The following TRIO variants were observed in gnomAD, a reference collection of about 807,000 sequenced individuals.
TRIO encodes triple functional domain protein.
Under a neutral mutation model 351.9 loss-of-function variants are expected in TRIO, and 58 were observed. That is an observed-to-expected ratio of 0.16 (90% CI 0.13 to 0.21). The LOEUF (loss-of-function observed/expected upper bound fraction) is 0.21. Ranked by LOEUF, TRIO falls within the 10% of genes least tolerant of loss-of-function variation. The pLI is 1.00. For missense variants in TRIO, 3,201 were observed against 4,027.8 expected, an observed-to-expected ratio of 0.79 and a Z score of 5.56; for synonymous variants, 1,758 against 1,595.7, an observed-to-expected ratio of 1.10 and a Z score of -2.42.
At chr5:14,366,315 T>C (rs1288168408) in intron 15 of TRIO, among the ~76,000 whole-genome samples, 1 of 152,172 alleles carries the variant, frequency 6.6e-6, no homozygotes, top group Non-Finnish European at 1.5e-5. Flanking sequence ...ATTTACTTCC[T>C]CTGAGTGTGT....
At chr5:14,168,907 C>G (rs952735275) in intron 1 of TRIO, among the ~76,000 whole-genome samples, 23 of 152,212 alleles carry the variant, frequency 1.5e-4, no homozygotes, top group African/African-American at 5.3e-4. Flanking sequence ...CCGCTCCTGG[C>G]GGCAGACCGT....
chr5:14,409,955 A>G (rs998949587), intron 33 of TRIO, among the ~76,000 whole-genome samples: 26 of 152,186 alleles, frequency 1.7e-4, no homozygotes, highest in East Asian at 3.9e-4. Flanking sequence ...CCACGCAGCA[A>G]CACTCACCCT....
chr5:14,240,832 T>TC (rs755218041), intron 1 of TRIO, among the ~76,000 whole-genome samples: 10 of 152,264 alleles, frequency 6.6e-5, no homozygotes, highest in East Asian at 5.8e-4. Flanking sequence ...ATTTGGGTGT[T>TC]CCCCCCCACC....
At chr5:14,498,005 C>T in intron 51 of TRIO, 84 bp from the exon 52 acceptor site, 1 of 1,610,408 alleles carries the variant, frequency 6.2e-7, no homozygotes, top group Non-Finnish European at 8.5e-7. Flanking sequence ...CAGGTTAGGT[C>T]CTATCAATCT....
intron 31 of TRIO, among the ~76,000 whole-genome samples, chr5:14,401,897 G>A (rs759459271): frequency 2.6e-5 from 4 of 152,120 alleles, no homozygotes; most frequent in Non-Finnish European, 5.9e-5. Context: ...GAACCTGCAT[G>A]TCACCCCTTG....
chr5:14,330,228 C>T (rs1006766870), intron 9 of TRIO, among the ~76,000 whole-genome samples: 4 of 152,116 alleles, frequency 2.6e-5, no homozygotes, highest in African/African-American at 4.8e-5. Flanking sequence ...AAATGCTTAG[C>T]TTTTGCAGCA....
At chr5:14,473,927 T>C in intron 39 of TRIO, 67 bp from the exon 40 acceptor site, 1 of 1,504,902 alleles carries the variant, frequency 6.6e-7, no homozygotes, top group South Asian at 1.2e-5. Flanking sequence ...TGACTATTAA[T>C]CAATAAGCCA....
intron 33 of TRIO, among the ~76,000 whole-genome samples, chr5:14,411,849 C>T (rs1293415324): frequency 6.6e-6 from 1 of 152,036 alleles, no homozygotes; most frequent in African/African-American, 2.4e-5. Flanking sequence ...TCAAGCAATC[C>T]TCCCACCTCA....
At chr5:14,267,668 A>G (rs1279245928) in intron 1 of TRIO, among the ~76,000 whole-genome samples, 1 of 152,130 alleles carries the variant, frequency 6.6e-6, no homozygotes, top group Non-Finnish European at 1.5e-5. Context: ...AGGAACTTTC[A>G]TGGTTGGGTT....
chr5:14,238,921 A>G (rs979535469), intron 1 of TRIO, among the ~76,000 whole-genome samples: 1 of 152,228 alleles, frequency 6.6e-6, no homozygotes, highest in African/African-American at 2.4e-5. Flanking sequence ...CTCATGGAAA[A>G]TAAGTATAAA....
rs533044424 is a variant in TRIO, at chr5:14,146,487, G to T, written c.157+2605G>T. On this transcript the variant is annotated intron_variant, in intron 1 of 56. Transcript: ENST00000344204. ...AATTCGTTCTTGTTGCCCGCATTCG[G>T]CTTTGTCTTTGTAGCCACAGATTGA... Among the ~76,000 whole-genome samples the T allele has an allele frequency of 7.2e-5, 11 of 152,250 alleles. No individual in the cohort carries two copies. In the South Asian group the frequency reaches 2.1e-3, roughly 29 times the overall value.
At chr5:14,183,561 C>G (rs975706319) in intron 1 of TRIO, among the ~76,000 whole-genome samples, 2 of 148,242 alleles carry the variant, frequency 1.3e-5, no homozygotes. Context: ...CCCTTCCCCC[C>G]CAAGAAAAGC....
intron 4 of TRIO, among the ~76,000 whole-genome samples, chr5:14,289,376 A>G (rs1228935324): frequency 6.6e-6 from 1 of 151,850 alleles, no homozygotes; most frequent in Non-Finnish European, 1.5e-5. Context: ...CAAGAGCAAA[A>G]CCCTGTCTCA....
intron 54 of TRIO, 140 bp downstream of exon 54, chr5:14,502,797 A>G (rs1372977716): frequency 4.7e-6 from 4 of 843,668 alleles, no homozygotes; most frequent in African/African-American, 3.3e-5. Flanking sequence ...CGTAACTCTC[A>G]TTGCCTTTAG....
rs1468983189 is a variant in TRIO at position 14,482,783 on chromosome 5, GTC to G, written c.6657+14_6657+15del. On this transcript the variant is annotated intron_variant, in intron 46 of 56. Transcript: ENST00000344204. The stretch of plus-strand genomic sequence containing the variant: ...TAAGAACAGTATCAAGGTAACGTGT[GTC>G]TCTGTGTGATTTCTCTGTGCCAGCG... 3.9e-6 allele frequency: 6 copies of G among 1,538,938 alleles called. No individual in the cohort carries two copies. The highest frequency in any genetic ancestry group is 5.3e-6 in the Non-Finnish European group (6 of 1,134,832).
At position 14,482,688 on chromosome 5, in the gene TRIO, T is replaced by C; in HGVS notation, c.6572T>C (p.Phe2191Ser). Reference protein sequence around the residue: ...PRCRERRIFLFEQIVIFSEPL... With the variant: ...PRCRERRIFLSEQIVIFSEPL... ...TGCAGAGAGAGGCGCATCTTCCTCT[T>C]TGAGCAGATCGTCATATTCAGCGAA... Residue 2191 changes from phenylalanine to serine, a missense_variant, in exon 46 of 57, where the codon TTT (phenylalanine) becomes TCT (serine). Coordinates refer to ENST00000344204, the MANE Select transcript of TRIO (RefSeq NM_007118.4). The C allele has an allele frequency of 6.2e-7, 1 of 1,612,232 alleles. No homozygotes were observed. The highest frequency in any genetic ancestry group is 8.5e-7 in the Non-Finnish European group (1 of 1,178,892).
chr5:14,163,374 T>A (rs1788585986), intron 1 of TRIO, among the ~76,000 whole-genome samples: 1 of 152,196 alleles, frequency 6.6e-6, no homozygotes, highest in South Asian at 2.1e-4. Flanking sequence ...GGCTGCATAG[T>A]ATTCTATGGT....
chr5:14,270,544 C>T (rs1420581165), intron 1 of TRIO, among the ~76,000 whole-genome samples: 1 of 152,188 alleles, frequency 6.6e-6, no homozygotes, highest in Non-Finnish European at 1.5e-5. Flanking sequence ...ATTTCATATC[C>T]TGTCTCCTTT....
At chr5:14,494,384 A>G (rs1015989500) in intron 49 of TRIO, among the ~76,000 whole-genome samples, 1 of 152,242 alleles carries the variant, frequency 6.6e-6, no homozygotes, top group East Asian at 1.9e-4. Context: ...TGTATTTACA[A>G]CACGGTTTAC....
Sources: gnomAD v4.1 joint callset for allele counts (sites outside exome capture counted in the v4.1 genomes callset) on GRCh38, gnomAD v4.1.1 for gene constraint, MANE v1.5 for transcripts, NCBI Gene and HGNC (gene_info 2026-07-23, HGNC 2026-07-21) for gene names.